HAUS6: variants seen among roughly 807,000 people sequenced by gnomAD.
HAUS6 encodes the protein HAUS augmin-like complex subunit 6.
A neutral mutation model predicts 106.8 loss-of-function variants in HAUS6; 80 were observed. That is an observed-to-expected ratio of 0.75 (90% CI 0.63 to 0.90). The LOEUF is 0.90. HAUS6 is among the 40% of genes least tolerant of loss of function. The pLI is 0.00. For synonymous variants in HAUS6, 356 were observed against 379.1 expected (o/e 0.94, Z 0.71); for missense variants, 1,155 against 1,118.1 (o/e 1.03, Z -0.47).
intron 3 of HAUS6, 73 bp downstream of exon 3, chr9:19,094,244 T>A (rs1221668206): frequency 4.8e-6 from 4 of 824,844 alleles, no homozygotes; most frequent in African/African-American, 3.5e-5. Context: ...GGATTTCACC[T>A]CTAAAAAGTT....
intron 9 of HAUS6, 131 bp downstream of exon 9, chr9:19,080,348 T>C (rs1408142181): frequency 7.9e-6 from 5 of 630,480 alleles, no homozygotes; most frequent in Non-Finnish European, 1.4e-5. Flanking sequence ...GAGTTGATTA[T>C]GTAAGATTTT....
chr9:19,076,504 T>C (rs772112127), intron 11 of HAUS6, 98 bp downstream of exon 11: 2 of 697,646 alleles, frequency 2.9e-6, no homozygotes, highest in East Asian at 2.7e-5. Flanking sequence ...TAAAAAAAAA[T>C]GGAGGAAAAA....
intron 10 of HAUS6, among the ~76,000 whole-genome samples, chr9:19,077,030 G>T (rs182791995): frequency 4.9e-4 from 75 of 152,150 alleles, no homozygotes; most frequent in African/African-American, 1.6e-3. Context: ...TTTTGGTAGA[G>T]ATAAGGTCTC....
intron 13 of HAUS6, 128 bp downstream of exon 13, chr9:19,063,386 T>G: frequency 1.5e-6 from 1 of 653,192 alleles, no homozygotes; most frequent in Non-Finnish European, 2.6e-6. Flanking sequence ...GTAGATATGG[T>G]ACAAAATGTA....
chr9:19,082,496 C>A (rs1183563060), intron 8 of HAUS6, among the ~76,000 whole-genome samples: 2 of 152,166 alleles, frequency 1.3e-5, no homozygotes, highest in Non-Finnish European at 2.9e-5. Flanking sequence ...CGCCTGTAAT[C>A]CCAGCACTTT....
intron 1 of HAUS6, among the ~76,000 whole-genome samples, chr9:19,098,584 G>A (rs551738242): frequency 1.1e-4 from 16 of 152,136 alleles, no homozygotes; most frequent in African/African-American, 3.4e-4. Flanking sequence ...TGCCACTTTA[G>A]TTCAGGCCTA....
chr9:19,082,756 AAAAAACAAAAAAC>A, intron 8 of HAUS6, 104 bp downstream of exon 8: 2 of 404,684 alleles, frequency 4.9e-6, no homozygotes, highest in Non-Finnish European at 7.7e-6. Context: ...TGTCTCAAAA[AAAAAACAAAAAAC>A]AAAAAACAAA....
chr9:19,078,832 T>C (rs1253503001), intron 9 of HAUS6, among the ~76,000 whole-genome samples: 1 of 133,850 alleles, frequency 7.5e-6, no homozygotes, highest in Non-Finnish European at 1.6e-5. Flanking sequence ...TAAATAATTT[T>C]AAAAAATTAG....
intron 7 of HAUS6, among the ~76,000 whole-genome samples, chr9:19,084,974 C>A (rs1411072351): frequency 1.3e-4 from 19 of 151,956 alleles, no homozygotes; most frequent in Non-Finnish European, 1.5e-5. Flanking sequence ...GTTGCCCAGG[C>A]TACAGTCCAC....
chr9:19,078,381 T>C (rs545127553), intron 9 of HAUS6, 79 bp from the exon 10 acceptor site: 117 of 815,054 alleles, frequency 1.4e-4, no homozygotes, highest in Middle Eastern at 5.4e-4. Flanking sequence ...ATAACAATAG[T>C]TGTAGAGAAG....
chr9:19,100,132 T>G (rs2131161286), intron 1 of HAUS6, among the ~76,000 whole-genome samples: 1 of 152,126 alleles, frequency 6.6e-6, no homozygotes, highest in African/African-American at 2.4e-5. Context: ...AGGCGGGGGT[T>G]GCAGTGAGTC....
intron 4 of HAUS6, among the ~76,000 whole-genome samples, chr9:19,089,986 C>T (rs982403232): frequency 7.2e-5 from 11 of 152,100 alleles, no homozygotes; most frequent in African/African-American, 2.7e-4. Context: ...GCACGCACCA[C>T]CATGCCCAGC....
intron 14 of HAUS6, 85 bp from the exon 15 acceptor site, chr9:19,060,308 C>T: frequency 9.3e-7 from 1 of 1,080,370 alleles, no homozygotes; most frequent in East Asian, 2.7e-5. Flanking sequence ...ATAATAAGCA[C>T]TTCACAGTCA....
rs554860893 is a variant in HAUS6, at chr9:19,070,160, A to G, written c.1376+59T>C. The G allele has an allele frequency of 4.0e-6, 4 of 990,026 alleles. No homozygotes were observed. In the East Asian group the frequency reaches 7.8e-5, roughly 19 times the overall value. The allele number at this position is 990,026 out of a possible 1,614,324, so 61.3% of individuals were successfully genotyped here. A position where few individuals can be genotyped will look rare whatever the true frequency, so the allele number is the denominator to read the frequency against. ...GGCTTCACCTCTCAGTTCCATCTCT[A>G]TTTTTTATAAAATAAGAGTTTTTTA... is the stretch of plus-strand genomic sequence containing the variant. On this transcript the variant is annotated intron_variant, in intron 12 of 16. Coordinates refer to ENST00000380502, the MANE Select transcript of HAUS6 (RefSeq NM_017645.5).
chr9:19,064,582 T>C (rs1322483275), intron 12 of HAUS6, among the ~76,000 whole-genome samples: 3 of 152,224 alleles, frequency 2.0e-5, no homozygotes, highest in Non-Finnish European at 4.4e-5. Flanking sequence ...TTTTCTACTC[T>C]AGTTACTATA....
intron 12 of HAUS6, among the ~76,000 whole-genome samples, chr9:19,065,568 C>T (rs1478438681): frequency 2.0e-5 from 3 of 152,122 alleles, no homozygotes; most frequent in Admixed American, 6.5e-5. Context: ...GGGCTGGGCG[C>T]GGTGGCTCAC....
At chr9:19,073,135 A>C (rs1836914520) in intron 11 of HAUS6, among the ~76,000 whole-genome samples, 1 of 152,162 alleles carries the variant, frequency 6.6e-6, no homozygotes, top group South Asian at 2.1e-4. Flanking sequence ...TGAAATCAGT[A>C]AGGAAGGTGA....
intron 1 of HAUS6, among the ~76,000 whole-genome samples, chr9:19,100,173 G>A (rs924685118): frequency 5.3e-5 from 8 of 151,856 alleles, no homozygotes; most frequent in African/African-American, 1.5e-4. Flanking sequence ...CCGCCTGGGC[G>A]ACAGAGCAAG....
At chr9:19,092,416 G>C (rs1005876320) in intron 4 of HAUS6, among the ~76,000 whole-genome samples, 3 of 151,784 alleles carry the variant, frequency 2.0e-5, no homozygotes, top group African/African-American at 7.3e-5. Context: ...GGGAGTTTGA[G>C]ACCAGCCTGA....
Sources: gnomAD v4.1 joint callset for allele counts (sites outside exome capture counted in the v4.1 genomes callset) on GRCh38, gnomAD v4.1.1 for gene constraint, MANE v1.5 for transcripts, NCBI Gene and HGNC (gene_info 2026-07-23, HGNC 2026-07-21) for gene names.